NVL: variants seen among roughly 807,000 people sequenced by gnomAD.
The protein encoded by NVL is nuclear VCP like.
A neutral mutation model predicts 110.2 loss-of-function variants in NVL; 84 were observed. The observed-to-expected ratio is 0.76, with a 90% confidence interval of 0.64 to 0.91. The LOEUF (loss-of-function observed/expected upper bound fraction) is 0.91. NVL is among the 40% of genes least tolerant of loss of function. NVL has a pLI of 0.00. For missense variants in NVL, 882 were observed against 1,035.9 expected (o/e 0.85, Z 2.04); for synonymous variants, 354 against 361.1 (o/e 0.98, Z 0.22).
chr1:224,231,223 T>A lies in NVL; in HGVS notation c.2526+3A>T. The A allele has an allele frequency of 6.2e-7, 1 of 1,606,168 alleles. No individual in the cohort carries two copies. The highest frequency in any genetic ancestry group is 8.5e-7 in the Non-Finnish European group (1 of 1,173,910). On this transcript the variant is annotated splice_donor_region_variant and intron_variant, in intron 22 of 22. Transcript: ENST00000281701. ...TCTCTATGCATTTAATGGCATTGCT[T>A]ACCTTTTTTGATATAGATGATCTTA... is the stretch of plus-strand genomic sequence containing the variant.
intron 18 of NVL, among the ~76,000 whole-genome samples, chr1:224,267,700 A>G (rs552323418): frequency 1.3e-5 from 2 of 152,012 alleles, no homozygotes; most frequent in African/African-American, 4.8e-5. Context: ...AAAAAAAAAA[A>G]AAAAAAGTGT....
At chr1:224,292,163 C>T (rs1428665493) in intron 12 of NVL, among the ~76,000 whole-genome samples, 2 of 152,124 alleles carry the variant, frequency 1.3e-5, no homozygotes, top group South Asian at 2.1e-4. Flanking sequence ...TTTTGAAGTA[C>T]AGGATGATAT....
At chr1:224,326,555 C>A in intron 1 of NVL, 91 bp from the exon 2 acceptor site, 1 of 761,348 alleles carries the variant, frequency 1.3e-6, no homozygotes, top group Non-Finnish European at 2.2e-6. Context: ...ACACATTATA[C>A]TTTAAGATAA....
intron 19 of NVL, among the ~76,000 whole-genome samples, chr1:224,249,913 T>C (rs1662274745): frequency 6.6e-6 from 1 of 152,148 alleles, no homozygotes; most frequent in Admixed American, 6.5e-5. Context: ...TTTTCTATCT[T>C]TTGTAGAGAC....
chr1:224,264,070 G>A (rs190592470), intron 18 of NVL, among the ~76,000 whole-genome samples: 5 of 152,118 alleles, frequency 3.3e-5, no homozygotes, highest in African/African-American at 1.2e-4. Context: ...TTTGGCAGCC[G>A]GGTTGGGAGA....
At chr1:224,275,544 T>TA in intron 16 of NVL, 86 bp from the exon 17 acceptor site, 1 of 1,534,164 alleles carries the variant, frequency 6.5e-7, no homozygotes, top group Non-Finnish European at 9.0e-7. Flanking sequence ...TTATGTGACA[T>TA]AAACTAGTTT....
chr1:224,228,924 CA>C (rs368485856), intron 22 of NVL, among the ~76,000 whole-genome samples: 1,490 of 81,578 alleles, frequency 0.018, 15 homozygotes, highest in African/African-American at 0.07. Flanking sequence ...GACTCCGTCT[CA>C]AAAAAAAAAA....
Position 224,282,948 on chromosome 1 carries a change from T to G in NVL, c.1900-1763A>C, listed in dbSNP as rs867087188. ...AGGTTTCTAGGTTCTGACCTATAAT[T>G]TGTTCCATGAGTTTATCCTAGGCCA... On this transcript the variant is annotated intron_variant, in intron 15 of 22. Transcript: ENST00000281701. Among the ~76,000 whole-genome samples the G allele has an allele frequency of 5.9e-5, 9 of 152,220 alleles. 1 individual carries two copies. Among genetic ancestry groups the G allele is most frequent in the Non-Finnish European group, 1.0e-4 (7 of 68,038 alleles).
chr1:224,281,981 ATG>A (rs1666395695), intron 15 of NVL, among the ~76,000 whole-genome samples: 1 of 151,344 alleles, frequency 6.6e-6, no homozygotes, highest in Non-Finnish European at 1.5e-5. Context: ...AAAAAGACAA[ATG>A]GGAAAAGGGG....
chr1:224,290,679 G>A (rs568566384), intron 12 of NVL, among the ~76,000 whole-genome samples: 12 of 152,150 alleles, frequency 7.9e-5, no homozygotes, highest in Non-Finnish European at 1.6e-4. Context: ...GCGGGCACCT[G>A]TAGTCCCAGC....
intron 17 of NVL, among the ~76,000 whole-genome samples, chr1:224,270,322 C>T (rs970860536): frequency 2.0e-4 from 30 of 151,946 alleles, no homozygotes; most frequent in African/African-American, 7.2e-4. Context: ...TTTGGGAGGC[C>T]GAGACATGTG....
In NVL at chr1:224,236,504, A is replaced by C; in HGVS notation, c.2366+2T>G. On this transcript the variant is annotated splice_donor_variant, in intron 20 of 22. Coordinates refer to ENST00000281701, the MANE Select transcript of NVL (RefSeq NM_002533.4). LOFTEE classifies it high-confidence loss of function. Reference sequence around the variant, plus strand: ...GAATTGACTTAAGATTTAAACACTTACGTATAGCAATCACAGCGAAGGTCA... The same window carrying C: ...GAATTGACTTAAGATTTAAACACTTCCGTATAGCAATCACAGCGAAGGTCA... 1 of 1,611,186 alleles carries C rather than the reference A, an allele frequency of 6.2e-7. No individual in the cohort carries two copies. The highest frequency in any genetic ancestry group is 8.5e-7 in the Non-Finnish European group (1 of 1,177,348).
chr1:224,318,864 CT>C (rs1670348235), intron 2 of NVL, among the ~76,000 whole-genome samples: 2 of 151,620 alleles, frequency 1.3e-5, no homozygotes, highest in African/African-American at 4.8e-5. Context: ...TGGTGGGCGC[CT>C]GTAGTCCCAG....
chr1:224,228,399 G>A (rs1446050717), intron 22 of NVL, among the ~76,000 whole-genome samples: 1 of 151,892 alleles, frequency 6.6e-6, no homozygotes, highest in Non-Finnish European at 1.5e-5. Context: ...CTGCCTCCTG[G>A]GTTCAAGGGA....
intron 18 of NVL, among the ~76,000 whole-genome samples, chr1:224,261,786 T>C (rs1029880282): frequency 1.3e-5 from 2 of 151,752 alleles, no homozygotes; most frequent in Admixed American, 6.6e-5. Context: ...ACGTCATCTC[T>C]ACAAAAAAGT....
At chr1:224,235,148 C>T (rs896035556) in intron 20 of NVL, among the ~76,000 whole-genome samples, 1 of 151,784 alleles carries the variant, frequency 6.6e-6, no homozygotes, top group Non-Finnish European at 1.5e-5. Context: ...AGCATAAGGC[C>T]ATTTCTTTAT....
chr1:224,281,019 CA>C, intron 16 of NVL, 103 bp downstream of exon 16: 1 of 1,081,618 alleles, frequency 9.2e-7, no homozygotes, highest in Non-Finnish European at 1.4e-6. Context: ...TTTTAAATAC[CA>C]AAATACCACA....
chr1:224,236,695 G>GGGC (rs1660522106), intron 19 of NVL, 113 bp from the exon 20 acceptor site: 2 of 765,244 alleles, frequency 2.6e-6, no homozygotes, highest in Admixed American at 3.9e-5. Context: ...CAGATCACCT[G>GGGC]AGGTCAGGAG....
intron 8 of NVL, 89 bp downstream of exon 8, chr1:224,304,647 G>T: frequency 8.7e-7 from 1 of 1,148,234 alleles, no homozygotes; most frequent in Non-Finnish European, 1.3e-6. Flanking sequence ...TCTACACCCA[G>T]ATCATATTAG....
Sources: gnomAD v4.1 joint callset for allele counts (sites outside exome capture counted in the v4.1 genomes callset) on GRCh38, gnomAD v4.1.1 for gene constraint, MANE v1.5 for transcripts, NCBI Gene and HGNC (gene_info 2026-07-23, HGNC 2026-07-21) for gene names.